The following PKIB variants were observed in gnomAD, a reference collection of about 807,000 sequenced individuals.
The protein encoded by PKIB is PKI-beta.
PKIB carries 2 observed loss-of-function variants against 4.5 expected under a neutral mutation model. The ratio of observed to expected loss-of-function variants is 0.44; its 90% CI spans 0.18 to 1.39. PKIB has a LOEUF of 1.39. PKIB is among the 40% of genes most tolerant of loss of function. The probability of loss-of-function intolerance (pLI) is 0.27; values close to 1 mark genes in which losing one functional copy is unlikely to be tolerated. For synonymous variants in PKIB, 38 were observed against 36.0 expected (o/e 1.06, Z -0.20); for missense variants, 94 against 92.6 (o/e 1.02, Z -0.06).
chr6:122,611,704 T>G (rs1562269478), intron 1 of PKIB, among the ~76,000 whole-genome samples: 1 of 152,126 alleles, frequency 6.6e-6, no homozygotes, highest in Non-Finnish European at 1.5e-5. Flanking sequence ...AAAAAAATCC[T>G]CCTGGGATTT....
intron 2 of PKIB, among the ~76,000 whole-genome samples, chr6:122,536,743 A>G (rs1777416817): frequency 6.6e-6 from 1 of 152,064 alleles, no homozygotes. Flanking sequence ...AAAGACTAAC[A>G]TTAATAATAA....
At chr6:122,549,886 A>T (rs1370445778) in intron 2 of PKIB, among the ~76,000 whole-genome samples, 2 of 145,240 alleles carry the variant, frequency 1.4e-5, no homozygotes, top group Non-Finnish European at 3.0e-5. Flanking sequence ...ATATAATTTT[A>T]TATATACACA....
intron 2 of PKIB, among the ~76,000 whole-genome samples, chr6:122,551,412 C>CT (rs1479397200): frequency 3.3e-5 from 5 of 151,802 alleles, no homozygotes; most frequent in East Asian, 1.9e-4. Flanking sequence ...TAATCATGTT[C>CT]TTTTTTTGTT....
Position 122,476,632 on chromosome 6 carries a change from A to C in PKIB, c.-336-1219A>C, listed in dbSNP as rs113954398. Among the ~76,000 whole-genome samples, 736 of 152,306 alleles carry C rather than the reference A, an allele frequency of 4.8e-3. 5 individuals are homozygous for C. Among genetic ancestry groups the C allele is most frequent in the African/African-American group, 0.017 (695 of 41,580 alleles). The stretch of plus-strand genomic sequence containing the variant: ...GTTTATTTCAGGCAGAACATACATA[A>C]ATTCAGGAAAAAAGGAAATATTCAC... On this transcript the variant is annotated intron_variant, in intron 1 of 6. Coordinates refer to the PKIB transcript ENST00000392491.
At chr6:122,720,891 G>A (rs1779713575) in intron 4 of PKIB, among the ~76,000 whole-genome samples, 2 of 152,180 alleles carry the variant, frequency 1.3e-5, no homozygotes, top group East Asian at 1.9e-4. Flanking sequence ...TAGTAGAAAC[G>A]GGGTTTCACC....
intron 2 of PKIB, among the ~76,000 whole-genome samples, chr6:122,572,663 AAC>A (rs1773404816): frequency 6.6e-6 from 1 of 151,854 alleles, no homozygotes; most frequent in African/African-American, 2.4e-5. Flanking sequence ...CAAAAAAAAA[AAC>A]GATAAATGAA....
chr6:122,589,843 C>T (rs1217264416), intron 3 of PKIB, among the ~76,000 whole-genome samples: 3 of 152,076 alleles, frequency 2.0e-5, no homozygotes, highest in African/African-American at 7.2e-5. Context: ...CCAACAGAGC[C>T]AATTTAGTTA....
intron 2 of PKIB, among the ~76,000 whole-genome samples, chr6:122,638,135 T>C (rs1775995096): frequency 6.6e-6 from 1 of 152,226 alleles, no homozygotes; most frequent in Non-Finnish European, 1.5e-5. Context: ...AAGTTGATGA[T>C]ACAAGAAAGT....
At chr6:122,610,815 T>G (rs567040314) in intron 1 of PKIB, among the ~76,000 whole-genome samples, 2 of 152,342 alleles carry the variant, frequency 1.3e-5, no homozygotes, top group South Asian at 2.1e-4. Context: ...ACCTGCCTTT[T>G]GCCCACTCTG....
At chr6:122,637,333 T>C (rs1290170619) in intron 2 of PKIB, among the ~76,000 whole-genome samples, 1 of 152,208 alleles carries the variant, frequency 6.6e-6, no homozygotes, top group Non-Finnish European at 1.5e-5. Flanking sequence ...CATTCCAATA[T>C]ATTACTGTTT....
chr6:122,669,932 C>T (rs1051459944), intron 2 of PKIB, among the ~76,000 whole-genome samples: 7 of 152,068 alleles, frequency 4.6e-5, no homozygotes, highest in Admixed American at 2.6e-4. Flanking sequence ...GTGGATGAAA[C>T]GCAATGTAAG....
At chr6:122,699,361 TG>T (rs1225913415) in intron 3 of PKIB, among the ~76,000 whole-genome samples, 15 of 152,196 alleles carry the variant, frequency 9.9e-5, no homozygotes, top group Admixed American at 9.2e-4. Context: ...TGGCACCAAA[TG>T]GATCATATTA....
intron 3 of PKIB, among the ~76,000 whole-genome samples, chr6:122,697,033 G>A (rs1778606328): frequency 6.6e-6 from 1 of 152,162 alleles, no homozygotes; most frequent in African/African-American, 2.4e-5. Flanking sequence ...TGGGGGAGGA[G>A]GACATGGCAC....
intron 2 of PKIB, among the ~76,000 whole-genome samples, chr6:122,672,994 G>T (rs1777527119): frequency 2.0e-5 from 3 of 151,782 alleles, no homozygotes; most frequent in African/African-American, 7.3e-5. Flanking sequence ...CATTAAATCT[G>T]AATTTTTATG....
At chr6:122,714,789 C>T (rs1396024184) in intron 3 of PKIB, among the ~76,000 whole-genome samples, 2 of 152,020 alleles carry the variant, frequency 1.3e-5, no homozygotes, top group African/African-American at 2.4e-5. Context: ...ACAAGTTTAC[C>T]TACGTAACAA....
At chr6:122,543,286 C>G (rs1231186871) in intron 2 of PKIB, among the ~76,000 whole-genome samples, 1 of 151,840 alleles carries the variant, frequency 6.6e-6, no homozygotes, top group Non-Finnish European at 1.5e-5. Flanking sequence ...CACCCATCTT[C>G]TGCATCGCTC....
rs891234822 is a variant in PKIB, at chr6:122,504,682, CCT to C, written c.-248+26744_-248+26745del. On this transcript the variant is annotated intron_variant, in intron 2 of 6. Coordinates refer to the PKIB transcript ENST00000392491. ...GTTATTTTAAAAATTAAAATTTTAC[CCT>C]GTTATGTAATATTTTTCACATTTCT... Among the ~76,000 whole-genome samples, 22 of 152,094 alleles carry C rather than the reference CCT, an allele frequency of 1.4e-4. 1 individual carries two copies. Among genetic ancestry groups the C allele is most frequent in the African/African-American group, 5.3e-4 (22 of 41,456 alleles).
exon 3 of PKIB, chr6:122,585,932 G>A (rs186612715): frequency 6.5e-4 from 99 of 151,826 alleles, no homozygotes; most frequent in African/African-American, 1.1e-3. Flanking sequence ...TTTTTCTTTC[G>A]TTTAAAGATG....
chr6:122,650,879 C>T (rs1476062869), intron 2 of PKIB, among the ~76,000 whole-genome samples: 1 of 152,184 alleles, frequency 6.6e-6, no homozygotes, highest in Non-Finnish European at 1.5e-5. Flanking sequence ...TGTAGCAAGG[C>T]AGTTAATTCT....
Sources: allele counts gnomAD v4.1 joint callset (sites outside exome capture counted in the v4.1 genomes callset), GRCh38; gene constraint gnomAD v4.1.1; transcripts MANE v1.5; gene names NCBI Gene and HGNC (gene_info 2026-07-23, HGNC 2026-07-21).